Variants in HECTD4 observed in about 807,000 individuals in gnomAD.
The protein encoded by HECTD4 is HECT domain E3 ubiquitin protein ligase 4, also known as probable E3 ubiquitin-protein ligase HECTD4.
HECTD4 carries 114 observed loss-of-function variants against 471.5 expected under a neutral mutation model. The observed-to-expected ratio is 0.24, with a 90% CI of 0.21 to 0.28. The LOEUF is 0.28. Among genes scored for constraint, HECTD4 ranks in the 10% least tolerant of loss-of-function variants. The pLI is 1.00. For synonymous variants in HECTD4, 2,012 were observed against 2,256.0 expected, an observed-to-expected ratio of 0.89 and a Z score of 3.07; for missense variants, 3,866 against 5,651.5, an observed-to-expected ratio of 0.68 and a Z score of 10.13.
intron 69 of HECTD4, chr12:112,169,987 G>A (rs1405637560): frequency 7.5e-6 from 4 of 535,494 alleles, no homozygotes; most frequent in Admixed American, 3.2e-5. Flanking sequence ...CTGTCTATAC[G>A]CTGTGGCAGA....
In HECTD4 at chr12:112,216,886, G is replaced by A; in HGVS notation, c.7272C>T (p.Ser2424=). The stretch of plus-strand genomic sequence containing the variant: ...CGGTGTCATCATCGGTGTCTCCATA[G>A]GAAACGATTTCAATTTCCCAGTAAA... ...PSFYWEIEIV[S]YGDTDDDTGP... The change falls in exon 47 of 76, where the codon TCC becomes TCT. Residue 2424 remains serine, a synonymous_variant. Coordinates refer to ENST00000682272, the MANE Select transcript of HECTD4 (RefSeq NM_001388303.1). The A allele has an allele frequency of 6.2e-7, 1 of 1,613,994 alleles. No individual in the cohort carries two copies. The highest frequency in any genetic ancestry group is 8.5e-7 in the Non-Finnish European group (1 of 1,179,896).
intron 69 of HECTD4, chr12:112,169,973 CCTT>C: frequency 1.8e-6 from 1 of 547,416 alleles, no homozygotes; most frequent in Admixed American, 3.1e-5. Flanking sequence ...CGCATATCCC[CCTT>C]CTGTCTATAC....
chr12:112,267,616 A>G (rs1460754773), intron 13 of HECTD4, among the ~76,000 whole-genome samples: 1 of 152,214 alleles, frequency 6.6e-6, no homozygotes, highest in Non-Finnish European at 1.5e-5. Context: ...TAGATGCAGA[A>G]CTGGTTAGAG....
At chr12:112,320,002 G>A (rs755566876) in intron 1 of HECTD4, among the ~76,000 whole-genome samples, 5 of 152,192 alleles carry the variant, frequency 3.3e-5, no homozygotes, top group Non-Finnish European at 7.3e-5. Context: ...ATAGTTAAGT[G>A]TGAAAGTCAG....
intron 40 of HECTD4, among the ~76,000 whole-genome samples, chr12:112,230,174 C>T (rs939098530): frequency 6.6e-6 from 1 of 152,146 alleles, no homozygotes; most frequent in Non-Finnish European, 1.5e-5. Flanking sequence ...GTCCACTTGG[C>T]AACACTCAGT....
intron 4 of HECTD4, 78 bp downstream of exon 4, chr12:112,312,939 A>T: frequency 8.7e-7 from 1 of 1,155,686 alleles, no homozygotes; most frequent in African/African-American, 1.5e-5. Context: ...AGTTATAGCC[A>T]TATCATTTGC....
At chr12:112,296,685 G>A (rs1594020820) in intron 7 of HECTD4, among the ~76,000 whole-genome samples, 1 of 147,588 alleles carries the variant, frequency 6.8e-6, no homozygotes, top group South Asian at 2.2e-4. Context: ...GCAGCAAGTG[G>A]TAACTACAGA....
At chr12:112,275,962 TC>T (rs1484229152) in intron 9 of HECTD4, among the ~76,000 whole-genome samples, 4 of 152,204 alleles carry the variant, frequency 2.6e-5, no homozygotes, top group African/African-American at 9.6e-5. Flanking sequence ...ATGAAGTCTC[TC>T]CTTTCTACCC....
intron 21 of HECTD4, among the ~76,000 whole-genome samples, chr12:112,255,845 A>T (rs533286418): frequency 1.3e-5 from 2 of 152,292 alleles, no homozygotes; most frequent in East Asian, 3.9e-4. Flanking sequence ...TCCTCAAAAA[A>T]AGAACAAATG....
At position 112,184,260 on chromosome 12, in the gene HECTD4, G is replaced by T; in HGVS notation, c.10706C>A (p.Ser3569Tyr). The T allele has an allele frequency of 3.1e-6, 5 of 1,613,610 alleles. No homozygotes were observed. The highest frequency in any genetic ancestry group is 4.2e-6 in the Non-Finnish European group (5 of 1,179,884). The change falls in exon 61 of 76, where the codon TCC (serine) becomes TAC (tyrosine). Residue 3569 changes from serine (S) to tyrosine (Y), a missense_variant. Around this residue, in one of 16 missense-constraint regions of HECTD4, gnomAD observed 192 missense variants for 189.9 expected, o/e 1.01. Transcript: ENST00000682272. This position sits in a 1 kb window ranked among gnomAD's most constrained non-coding sequence, Gnocchi z 9.1. ...AETASVSDMG[S>Y]MYTVTSLDNQ... ...GTCCAGGGAAGTGACTGTGTACATG[G>T]AGCCCATGTCCGACACCGAGGCCGT...
intron 29 of HECTD4, among the ~76,000 whole-genome samples, chr12:112,246,434 G>T (rs2033762959): frequency 6.6e-6 from 1 of 152,072 alleles, no homozygotes; most frequent in Admixed American, 6.5e-5. Flanking sequence ...AGGAGTTCGA[G>T]ACCAACCTAG....
In HECTD4 at chr12:112,367,715, G is replaced by A. The variant is rs549122175; in HGVS notation, c.177+14237C>T. Among the ~76,000 whole-genome samples the A allele has an allele frequency of 8.6e-5, 13 of 151,254 alleles. No homozygotes were observed. The South Asian group carries it at 1.7e-3, about 19-fold the overall frequency. ...ATGCACCTGTAATCCCAGTTACTTG[G>A]GAGGCTGAGGCAGGAGAATCGCTTG... On this transcript the variant is annotated intron_variant, in intron 1 of 75. Coordinates refer to ENST00000682272, the MANE Select transcript of HECTD4 (RefSeq NM_001388303.1).
Position 112,194,520 on chromosome 12 carries a change from A to G in HECTD4, c.8749+365T>C, listed in dbSNP as rs942811323. 1.3e-5 allele frequency among the ~76,000 whole-genome samples: 2 copies of G among 152,246 alleles called. No individual in the cohort carries two copies. Among genetic ancestry groups the G allele is most frequent in the African/African-American group, 4.8e-5 (2 of 41,468 alleles). The stretch of plus-strand genomic sequence containing the variant: ...CAGCAGAACTTATGATGAACCAAAT[A>G]GGTCTGCTTTGGAGGACGCTGATGA... On this transcript the variant is annotated intron_variant, in intron 56 of 75. Coordinates refer to ENST00000682272, the MANE Select transcript of HECTD4 (RefSeq NM_001388303.1). The surrounding 1 kb of genome is among the most constrained non-coding windows in gnomAD (Gnocchi z 4.6).
intron 48 of HECTD4, among the ~76,000 whole-genome samples, chr12:112,214,434 T>A (rs1487405065): frequency 6.6e-6 from 1 of 152,114 alleles, no homozygotes; most frequent in Non-Finnish European, 1.5e-5. Context: ...CGCCACGGCA[T>A]CCCCAGGGGC....
At chr12:112,170,484 G>A (rs2031170939) in intron 68 of HECTD4, 32 bp from the exon 69 acceptor site, 1 of 1,610,280 alleles carries the variant, frequency 6.2e-7, no homozygotes, top group Non-Finnish European at 8.5e-7. Context: ...AGGCTTGGGT[G>A]GGGCTTTGTC....
chr12:112,251,467 A>G lies in HECTD4; in HGVS notation c.3553-333T>C, dbSNP rs559430606. ...TGTGCCCACCTAAGTATAAATCACTATTTTGTTTTTTCACTTCCACCCTGT... is the reference window on the plus strand; with the variant it reads ...TGTGCCCACCTAAGTATAAATCACTGTTTTGTTTTTTCACTTCCACCCTGT... On this transcript the variant is annotated intron_variant, in intron 23 of 75. Coordinates refer to ENST00000682272, the MANE Select transcript of HECTD4 (RefSeq NM_001388303.1). Among the ~76,000 whole-genome samples, 7 of 152,252 alleles carry G rather than the reference A, an allele frequency of 4.6e-5. No individual in the cohort carries two copies. In the East Asian group the frequency reaches 1.4e-3, roughly 29 times the overall value.
At chr12:112,336,466 T>A (rs1316289992) in intron 1 of HECTD4, among the ~76,000 whole-genome samples, 1 of 151,202 alleles carries the variant, frequency 6.6e-6, no homozygotes, top group East Asian at 1.9e-4. Context: ...GAGCTTGCAG[T>A]GAGCCGAGAT....
At position 112,243,559 on chromosome 12, in the gene HECTD4, G is replaced by A; in HGVS notation, c.4792-40C>T. ...GAGGGACACCTGACTCCTGCTAACT[G>A]CCGCAAGACCCCGCATGCTGTTAGG... On this transcript the variant is annotated intron_variant, in intron 31 of 75. Coordinates refer to ENST00000682272, the MANE Select transcript of HECTD4 (RefSeq NM_001388303.1). The surrounding 1 kb of genome is among the most constrained non-coding windows in gnomAD (Gnocchi z 6.6). The A allele has an allele frequency of 6.2e-7, 1 of 1,601,006 alleles. No individual in the cohort carries two copies. Among genetic ancestry groups the A allele is most frequent in the Non-Finnish European group, 8.5e-7 (1 of 1,173,228 alleles).
At chr12:112,178,440 C>G (rs1053236020) in intron 64 of HECTD4, among the ~76,000 whole-genome samples, 22 of 152,250 alleles carry the variant, frequency 1.4e-4, no homozygotes, top group African/African-American at 4.8e-4. Context: ...GGCTTTCCAG[C>G]CTTCATGGTC....
Sources: gnomAD v4.1 joint callset for allele counts (sites outside exome capture counted in the v4.1 genomes callset) on GRCh38, gnomAD v4.1.1 for gene constraint, gnomAD v4.1.1 regional missense constraint, Gnocchi (gnomAD v3.1) non-coding constraint, MANE v1.5 for transcripts, NCBI Gene and HGNC (gene_info 2026-07-23, HGNC 2026-07-21) for gene names.